Variants in DGKQ observed in about 807,000 individuals in gnomAD.
DGKQ encodes the protein DAG kinase theta.
A neutral mutation model predicts 104.2 loss-of-function variants in DGKQ; 97 were observed. The observed-to-expected ratio is 0.93, with a 90% CI of 0.79 to 1.10. The LOEUF is 1.10. DGKQ is among the 50% of genes least tolerant of loss of function. The pLI, the probability that DGKQ is intolerant of heterozygous loss-of-function variation, is 0.00. For synonymous variants in DGKQ, 736 were observed against 595.2 expected (o/e 1.24, Z -3.44); for missense variants, 1,465 against 1,352.1 (o/e 1.08, Z -1.31).
chr4:967,792 GC>G lies in DGKQ; in HGVS notation c.821del (p.Gly274AlafsTer27). ...CGGCAGCGCTCCCGTCGGCGCCGTC[GC>G]CCCCCTCGCCTGCGGGTCGGGCACA... is the stretch of plus-strand genomic sequence containing the variant. ...IVEAAEPGEG[G>X]DGADGSAAVG... On this transcript the variant is annotated frameshift_variant, in exon 7 of 23. Coordinates refer to ENST00000273814, the MANE Select transcript of DGKQ (RefSeq NM_001347.4). LOFTEE classifies it high-confidence loss of function. The G allele has an allele frequency of 6.2e-7, 1 of 1,600,960 alleles. No homozygotes were observed. Among genetic ancestry groups the G allele is most frequent in the Non-Finnish European group, 8.5e-7 (1 of 1,174,664 alleles).
chr4:967,144 T>C lies in DGKQ; in HGVS notation c.1205A>G (p.Tyr402Cys). 1 of 1,595,000 alleles carries C rather than the reference T, an allele frequency of 6.3e-7. No homozygotes were observed. The highest frequency in any genetic ancestry group is 8.5e-7 in the Non-Finnish European group (1 of 1,171,146). The change falls in exon 9 of 23, where the codon TAC becomes TGC. Residue 402 changes from tyrosine (Y) to cysteine (C), a missense_variant. Physicochemically the swap from Tyr to Cys is radical, Grantham distance 194. Transcript: ENST00000273814. ...CCAGTCTCACTTGAGCCAGCCAGGG[T>C]AGATCTTCAGGACCTCCTGGGCCCG... ...LPRAQEVLKI[Y>C]PGWLKVGVAY...
rs372141382 is a variant in DGKQ, at chr4:969,317, G to A, written c.352-407C>T. Among the ~76,000 whole-genome samples, 52 of 152,330 alleles carry A rather than the reference G, an allele frequency of 3.4e-4. No individual in the cohort carries two copies. In the East Asian group the frequency reaches 6.2e-3, roughly 18 times the overall value. On this transcript the variant is annotated intron_variant, in intron 2 of 22. Transcript: ENST00000273814. ...TTGGGGCAGGCGAGGCTCTGTCGAC[G>A]GCCTGGCATCTGTCTCCTCCGAGCC... is the stretch of plus-strand genomic sequence containing the variant.
At position 961,985 on chromosome 4, in the gene DGKQ, C is replaced by A; in HGVS notation, c.2312G>T (p.Ser771Ile). The A allele has an allele frequency of 6.2e-7, 1 of 1,613,128 alleles. No individual in the cohort carries two copies. Among genetic ancestry groups the A allele is most frequent in the South Asian group, 1.1e-5 (1 of 91,080 alleles). The change falls in exon 19 of 23, where the codon AGC becomes ATC. Residue 771 changes from serine (S) to isoleucine (I), a missense_variant. Transcript: ENST00000273814. ...AREEEPGKFTSRLHNKGVYVR... is the reference protein window; with the variant it reads ...AREEEPGKFTIRLHNKGVYVR... ...GTAGCCCCTGCGGCTCCGGTACCTGCTTGTGAACTTGCCAGGCTCCTCTTC... is the reference window on the plus strand; with the variant it reads ...GTAGCCCCTGCGGCTCCGGTACCTGATTGTGAACTTGCCAGGCTCCTCTTC...
intron 21 of DGKQ, 25 bp downstream of exon 21, chr4:961,442 C>T (rs1711877247): frequency 3.2e-6 from 5 of 1,567,402 alleles, no homozygotes; most frequent in African/African-American, 2.7e-5. Flanking sequence ...CCTGGGCTCG[C>T]CCGCCCACTC....
At position 962,873 on chromosome 4, in the gene DGKQ, C is replaced by T. The variant is rs1711993575; in HGVS notation, c.1934G>A (p.Gly645Asp). The T allele has an allele frequency of 6.2e-7, 1 of 1,609,112 alleles. No homozygotes were observed. Among genetic ancestry groups the T allele is most frequent in the Non-Finnish European group, 8.5e-7 (1 of 1,178,446 alleles). Residue 645 changes from glycine (G) to aspartate (D), a missense_variant, in exon 17 of 23, where the codon GGT (glycine) becomes GAT (aspartate). Physicochemically the swap from Gly to Asp is moderately conservative, Grantham distance 94 (BLOSUM62 -1). Transcript: ENST00000273814. ...CACCCAGCCCACAGTGCCATCGCCACCACACACCAGCACCCGGAAGCAGGG... is the reference window on the plus strand; with the variant it reads ...CACCCAGCCCACAGTGCCATCGCCATCACACACCAGCACCCGGAAGCAGGG... ...QVPCFRVLVC[G>D]GDGTVGWVLG...
In DGKQ at chr4:961,562, C is replaced by G; in HGVS notation, c.2479G>C (p.Asp827His). ...INIPSWGSGADLWGSDSDTRF... is the reference protein window; with the variant it reads ...INIPSWGSGAHLWGSDSDTRF... The stretch of plus-strand genomic sequence containing the variant: ...GTGTCGCTGTCGGAGCCCCACAGGT[C>G]GGCCCCCGAGCCCCAGCTGCCGCAT... Residue 827 changes from aspartate (D) to histidine (H), a missense_variant, in exon 21 of 23, where the codon GAC (aspartate) becomes CAC (histidine). By Grantham distance (81) the Asp-to-His change is moderately conservative (BLOSUM62 -1). Coordinates refer to ENST00000273814, the MANE Select transcript of DGKQ (RefSeq NM_001347.4). The G allele has an allele frequency of 3.1e-6, 5 of 1,608,646 alleles. No individual in the cohort carries two copies. The highest frequency in any genetic ancestry group is 3.4e-6 in the Non-Finnish European group (4 of 1,178,432).
Position 966,561 on chromosome 4 carries a change from G to A in DGKQ, c.1367-34C>T, listed in dbSNP as rs368556636. 40 of 1,599,982 alleles carry A rather than the reference G, an allele frequency of 2.5e-5. No homozygotes were observed. The African/African-American group carries it at 2.8e-4, about 11-fold the overall frequency. ...GTGAGGGCACAGGCCGTCAGCACCC[G>A]GCTCCTCGCCCACCTTGGAAGCAGC... is the stretch of plus-strand genomic sequence containing the variant. On this transcript the variant is annotated intron_variant, in intron 11 of 22. Transcript: ENST00000273814.
Position 968,923 on chromosome 4 carries a change from C to T in DGKQ, c.352-13G>A, listed in dbSNP as rs1446445812. 6.4e-6 allele frequency: 10 copies of T among 1,565,142 alleles called. No homozygotes were observed. The highest frequency in any genetic ancestry group is 1.4e-5 in the African/African-American group (1 of 73,910). ...GGGCTACAGGAACCTGGTGGGGCAG[C>T]CTCACCTCAGCACCCTTGGTAAGGG... On this transcript the variant is annotated splice_polypyrimidine_tract_variant and intron_variant, in intron 2 of 22. Coordinates refer to ENST00000273814, the MANE Select transcript of DGKQ (RefSeq NM_001347.4).
In DGKQ at chr4:967,887, C is replaced by T; in HGVS notation, c.804G>A (p.Ala268=). ...GGCCGGCCCGCACCTCACCCGGCTC[C>T]GCGGCCTCCACGATGCGGAAGCTCT... ...KTQSFRIVEA[A]EPGEGGDGAD... The change falls in exon 6 of 23, where the codon GCG becomes GCA. Residue 268 remains alanine, a synonymous_variant. Coordinates refer to ENST00000273814, the MANE Select transcript of DGKQ (RefSeq NM_001347.4). 5 of 1,450,698 alleles carry T rather than the reference C, an allele frequency of 3.4e-6. No individual in the cohort carries two copies. The highest frequency in any genetic ancestry group is 4.5e-6 in the Non-Finnish European group (5 of 1,109,102). 89.9% of individuals were successfully genotyped at this position (1,450,698 alleles called of 1,614,324 possible). A position where few individuals can be genotyped will look rare whatever the true frequency, so the allele number is the denominator to read the frequency against.
At position 973,206 on chromosome 4, in the gene DGKQ, G is replaced by A. The variant is rs772683335; in HGVS notation, c.271+6C>T. The A allele has an allele frequency of 1.3e-6, 2 of 1,545,740 alleles. No homozygotes were observed. Among genetic ancestry groups the A allele is most frequent in the African/African-American group, 1.4e-5 (1 of 69,746 alleles). ...AGCCGGGTAGGCATCGGGCCCGGGC[G>A]CTCACCGTCGCACAGGAAGCCGGCC... On this transcript the variant is annotated splice_donor_region_variant and intron_variant, in intron 1 of 22. Transcript: ENST00000273814.
rs763478800 is a variant in DGKQ at position 961,762 on chromosome 4, C to G, written c.2388G>C (p.Gln796His). The G allele has an allele frequency of 1.2e-6, 2 of 1,612,500 alleles. No homozygotes were observed. Among genetic ancestry groups the G allele is most frequent in the Admixed American group, 3.3e-5 (2 of 59,948 alleles). Residue 796 changes from glutamine (Q) to histidine (H), a missense_variant, in exon 20 of 23, where the codon CAG (glutamine) becomes CAC (histidine). Physicochemically the swap from Gln to His is conservative, Grantham distance 24. Coordinates refer to ENST00000273814, the MANE Select transcript of DGKQ (RefSeq NM_001347.4). ...KISHSRSLHK[Q>H]IRLQVERQEV... ...CCTGCCGCTCCACCTGCAGCCGGAT[C>G]TGCTTGTGCAGGCTCCGAGAGTGAC...
At position 965,024 on chromosome 4, in the gene DGKQ, A is replaced by C. The variant is rs188909437; in HGVS notation, c.1734+152T>G. 1.1e-5 allele frequency: 7 copies of C among 636,852 alleles called. No homozygotes were observed. The Admixed American group carries it at 1.8e-4, about 17-fold the overall frequency. 39.5% of individuals were successfully genotyped at this position (636,852 alleles called of 1,614,324 possible). On this transcript the variant is annotated intron_variant, in intron 15 of 22. Transcript: ENST00000273814. ...CTTCCTGCTGTTGTGAGGCACAAACAAGGTGGCACCTACAAGCCCCCAGTG... is the reference window on the plus strand; with the variant it reads ...CTTCCTGCTGTTGTGAGGCACAAACCAGGTGGCACCTACAAGCCCCCAGTG...
In DGKQ at chr4:968,867, C is replaced by A; in HGVS notation, c.395G>T (p.Arg132Leu). 2 of 1,606,102 alleles carry A rather than the reference C, an allele frequency of 1.2e-6. No homozygotes were observed. The highest frequency in any genetic ancestry group is 1.7e-6 in the Non-Finnish European group (2 of 1,175,506). The change falls in exon 3 of 23, where the codon CGC becomes CTC. Residue 132 changes from arginine (R) to leucine (L), a missense_variant. Arg to Leu is a moderately radical substitution (Grantham distance 102). Coordinates refer to ENST00000273814, the MANE Select transcript of DGKQ (RefSeq NM_001347.4). ...HCFGPRGLHKRKFCAVCRKVL... is the reference protein window; with the variant it reads ...HCFGPRGLHKLKFCAVCRKVL... ...CTTGCGGCAGACAGCACAGAACTTGCGCTTGTGGAGCCCCCGGGGGCCGAA... is the reference window on the plus strand; with the variant it reads ...CTTGCGGCAGACAGCACAGAACTTGAGCTTGTGGAGCCCCCGGGGGCCGAA...
chr4:963,207 GAGC>G lies in DGKQ; in HGVS notation c.1815_1817del (p.Leu606del), dbSNP rs753883563. 2.5e-6 allele frequency: 4 copies of G among 1,611,598 alleles called. No homozygotes were observed. Among genetic ancestry groups the G allele is most frequent in the Non-Finnish European group, 3.4e-6 (4 of 1,178,900 alleles). On this transcript the variant is annotated inframe_deletion, in exon 16 of 23. Coordinates refer to ENST00000273814, the MANE Select transcript of DGKQ (RefSeq NM_001347.4). The stretch of plus-strand genomic sequence containing the variant: ...GGTTCAGTAGCTTCCGGAAGCTGCA[GAGC>G]AGGTCTCGGCCCTTGAGGCCTCCAC...
rs1033507612 is a variant in DGKQ at position 968,760 on chromosome 4, G to A, written c.451+51C>T. The A allele has an allele frequency of 3.3e-6, 5 of 1,536,150 alleles. No individual in the cohort carries two copies. The African/African-American group carries it at 4.1e-5, about 13-fold the overall frequency. On this transcript the variant is annotated intron_variant, in intron 3 of 22. Coordinates refer to ENST00000273814, the MANE Select transcript of DGKQ (RefSeq NM_001347.4). ...CAGCAGGGGTGGGCTGGGCCACCCTGGGCAGCAGAGACCAGGACACTGGGT... is the reference window on the plus strand; with the variant it reads ...CAGCAGGGGTGGGCTGGGCCACCCTAGGCAGCAGAGACCAGGACACTGGGT...
rs773803693 is a variant in DGKQ at position 968,417 on chromosome 4, G to T, written c.538-10C>A. On this transcript the variant is annotated splice_polypyrimidine_tract_variant and intron_variant, in intron 4 of 22. Transcript: ENST00000273814. ...GGTGGTGATGGGTGTCCTGCAGAGC[G>T]GGGGCAGTCAGCAGCTGGGCCCGCC... 1.9e-6 allele frequency: 3 copies of T among 1,583,310 alleles called. No individual in the cohort carries two copies. The South Asian group carries it at 3.4e-5, about 18-fold the overall frequency.
At chr4:962,367 G>A (rs552981169) in intron 18 of DGKQ, 68 bp downstream of exon 18, 18 of 1,443,950 alleles carry the variant, frequency 1.2e-5, no homozygotes, top group African/African-American at 2.8e-5. Flanking sequence ...GAGGACGCCC[G>A]TTGTGACGCG....
At chr4:969,611 C>CT (rs1712762862) in intron 2 of DGKQ, among the ~76,000 whole-genome samples, 1 of 121,972 alleles carries the variant, frequency 8.2e-6, no homozygotes, top group South Asian at 2.9e-4. Context: ...AAATATATCT[C>CT]CTTTTTTTTT....
Position 966,529 on chromosome 4 carries a change from T to A in DGKQ, c.1367-2A>T. ...CGTCCATCAGCATCGTCCGCTGGAC[T>A]GCAGAGGTGAGGGCACAGGCCGTCA... On this transcript the variant is annotated splice_acceptor_variant, in intron 11 of 22. Coordinates refer to ENST00000273814, the MANE Select transcript of DGKQ (RefSeq NM_001347.4). LOFTEE classifies it high-confidence loss of function. 1 of 1,611,814 alleles carries A rather than the reference T, an allele frequency of 6.2e-7. No individual in the cohort carries two copies.
Sources: allele counts gnomAD v4.1 joint callset (sites outside exome capture counted in the v4.1 genomes callset), GRCh38; gene constraint gnomAD v4.1.1; transcripts MANE v1.5; gene names NCBI Gene and HGNC (gene_info 2026-07-23, HGNC 2026-07-21).